Variants in AMPD1 observed in about 807,000 individuals in gnomAD.
AMPD1 encodes AMP deaminase 1.
Under a neutral mutation model 82.9 loss-of-function variants are expected in AMPD1, and 74 were observed. The observed-to-expected ratio is 0.89, with a 90% confidence interval of 0.74 to 1.08. The LOEUF (loss-of-function observed/expected upper bound fraction) is 1.08. Among genes scored for constraint, AMPD1 ranks in the 50% least tolerant of loss-of-function variants. The pLI is 0.00. For synonymous variants in AMPD1, 333 were observed against 320.5 expected (o/e 1.04, Z -0.42); for missense variants, 881 against 924.5 (o/e 0.95, Z 0.61).
At chr1:114,693,497 A>G in intron 1 of AMPD1, 50 bp from the exon 2 acceptor site, 1 of 1,537,330 alleles carries the variant, frequency 6.5e-7, no homozygotes, top group Non-Finnish European at 9.0e-7. Context: ...AACTTTCTGT[A>G]ATCATGGTGG....
chr1:114,678,283 T>C (rs1487571405), intron 8 of AMPD1, 50 bp downstream of exon 8: 2 of 1,590,608 alleles, frequency 1.3e-6, no homozygotes, highest in Admixed American at 1.7e-5. Context: ...GAGAAAGACA[T>C]GTGGGGTTCT....
intron 2 of AMPD1, among the ~76,000 whole-genome samples, chr1:114,692,025 A>T (rs1251443583): frequency 6.6e-6 from 1 of 152,266 alleles, no homozygotes; most frequent in Non-Finnish European, 1.5e-5. Context: ...CACAGTGTTC[A>T]TCATCATAAA....
intron 10 of AMPD1, among the ~76,000 whole-genome samples, chr1:114,676,781 C>T (rs1204913410): frequency 6.6e-6 from 1 of 152,120 alleles, no homozygotes; most frequent in African/African-American, 2.4e-5. Flanking sequence ...AACATATAAA[C>T]ACCCAAGTTA....
At chr1:114,692,484 G>C (rs940894578) in intron 2 of AMPD1, among the ~76,000 whole-genome samples, 3 of 152,032 alleles carry the variant, frequency 2.0e-5, no homozygotes, top group Non-Finnish European at 4.4e-5. Context: ...TCAGGAGTTC[G>C]AGACCAACCT....
intron 4 of AMPD1, among the ~76,000 whole-genome samples, chr1:114,685,275 A>C (rs2268699): frequency 0.45 from 68,021 of 151,968 alleles, 15,860 homozygotes; most frequent in African/African-American, 0.54. Context: ...ATAGGCCACT[A>C]GTCTATCAGG....
intron 1 of AMPD1, 21 bp downstream of exon 1, chr1:114,695,429 C>G (rs760533973): frequency 6.2e-7 from 1 of 1,613,144 alleles, no homozygotes; most frequent in Non-Finnish European, 8.5e-7. Flanking sequence ...ACTGAGCTCT[C>G]CAAACACTTT....
chr1:114,677,199 G>C, intron 10 of AMPD1, 152 bp downstream of exon 10: 1 of 1,019,762 alleles, frequency 9.8e-7, no homozygotes, highest in South Asian at 1.6e-5. Context: ...ACCCAGAGTG[G>C]ACAAAACCAA....
chr1:114,677,850 C>G (rs1286117404), intron 9 of AMPD1, 60 bp downstream of exon 9: 42 of 1,381,506 alleles, frequency 3.0e-5, no homozygotes, highest in Non-Finnish European at 3.7e-5. Flanking sequence ...TCCTTCCTTC[C>G]TTCTTCCCTT....
chr1:114,689,947 C>T (rs2336363), intron 2 of AMPD1, among the ~76,000 whole-genome samples: 19,647 of 152,150 alleles, frequency 0.13, 1,700 homozygotes, highest in East Asian at 0.47. Context: ...ACCTCTAATA[C>T]TTTTCCTGGT....
At position 114,673,109 on chromosome 1, in the gene AMPD1, T is replaced by G. The variant is rs1337567190; in HGVS notation, c.*5A>C. 6.2e-7 allele frequency: 1 copy of G among 1,612,224 alleles called. No individual in the cohort carries two copies. Among genetic ancestry groups the G allele is most frequent in the East Asian group, 2.2e-5 (1 of 44,862 alleles). On this transcript the variant is annotated 3_prime_UTR_variant, in exon 16 of 16. Transcript: ENST00000520113. The stretch of plus-strand genomic sequence containing the variant: ...CACTCATATTATTATTTGGTTTACT[T>G]TTTTTTATTCTGTTGATTTAAGACC...
At chr1:114,677,753 G>C in intron 9 of AMPD1, among the ~76,000 whole-genome samples, 157 bp downstream of exon 9, 1 of 151,462 alleles carries the variant, frequency 6.6e-6, no homozygotes. Context: ...TGGCCCCAGG[G>C]ATCGCTCCCT....
At chr1:114,681,172 T>TA (rs1259953228) in intron 5 of AMPD1, among the ~76,000 whole-genome samples, 1 of 152,098 alleles carries the variant, frequency 6.6e-6, no homozygotes, top group African/African-American at 2.4e-5. Context: ...AAACTACAGT[T>TA]AAAAAAATAG....
chr1:114,678,700 C>T (rs910805762), intron 7 of AMPD1, among the ~76,000 whole-genome samples, 173 bp from the exon 8 acceptor site: 5 of 152,176 alleles, frequency 3.3e-5, no homozygotes, highest in African/African-American at 4.8e-5. Flanking sequence ...ACAACTGTGG[C>T]GTGCCCATGC....
At chr1:114,676,068 G>A in intron 10 of AMPD1, 65 bp from the exon 11 acceptor site, 2 of 1,551,642 alleles carry the variant, frequency 1.3e-6, no homozygotes, top group Non-Finnish European at 8.9e-7. Flanking sequence ...GCCCCAGTAT[G>A]AGGGAACCAG....
At chr1:114,681,149 A>T (rs1182257522) in intron 5 of AMPD1, among the ~76,000 whole-genome samples, 1 of 152,210 alleles carries the variant, frequency 6.6e-6, no homozygotes, top group Non-Finnish European at 1.5e-5. Flanking sequence ...ATAATAACAT[A>T]AGAATAAAAG....
chr1:114,680,592 G>A (rs1658129624), intron 5 of AMPD1, 114 bp from the exon 6 acceptor site: 2 of 877,824 alleles, frequency 2.3e-6, no homozygotes, highest in African/African-American at 1.7e-5. Flanking sequence ...CGGTACTTAA[G>A]TTGTAATTAT....
At chr1:114,693,562 G>T (rs1278484144) in intron 1 of AMPD1, 115 bp from the exon 2 acceptor site, 2 of 916,602 alleles carry the variant, frequency 2.2e-6, no homozygotes, top group African/African-American at 1.6e-5. Flanking sequence ...TTTCAGCTCA[G>T]CCTTCCAGCT....
At chr1:114,690,771 C>T (rs1557974793) in intron 2 of AMPD1, among the ~76,000 whole-genome samples, 1 of 152,090 alleles carries the variant, frequency 6.6e-6, no homozygotes, top group East Asian at 1.9e-4. Context: ...CACGAGCAAG[C>T]ACATGCATCT....
At position 114,688,520 on chromosome 1, in the gene AMPD1, TTA is replaced by T. The variant is rs759380552; in HGVS notation, c.215+39_215+40del. On this transcript the variant is annotated intron_variant, in intron 3 of 15. Transcript: ENST00000520113. ...TATCTTCCCTGGCAGATACCCCTCC[TTA>T]GGTGCCAATATACTAAGCACTCCCC... 2.5e-6 allele frequency: 4 copies of T among 1,605,272 alleles called. No individual in the cohort carries two copies. In the South Asian group the frequency reaches 4.4e-5, roughly 18 times the overall value.
Sources: gnomAD v4.1 joint callset for allele counts (sites outside exome capture counted in the v4.1 genomes callset) on GRCh38, gnomAD v4.1.1 for gene constraint, MANE v1.5 for transcripts, NCBI Gene and HGNC (gene_info 2026-07-23, HGNC 2026-07-21) for gene names.